RPS6KA2: variants seen among roughly 807,000 people sequenced by gnomAD.
The protein encoded by RPS6KA2 is ribosomal protein S6 kinase alpha-2.
A neutral mutation model predicts 91.8 loss-of-function variants in RPS6KA2; 42 were observed. The ratio of observed to expected loss-of-function variants is 0.46; its 90% CI spans 0.36 to 0.59. RPS6KA2 has a LOEUF of 0.59. Ranked by LOEUF, RPS6KA2 falls within the 20% of genes least tolerant of loss-of-function variation. RPS6KA2 has a pLI of 0.00. For missense variants in RPS6KA2, 798 were observed against 978.5 expected (o/e 0.82, Z 2.46); for synonymous variants, 414 against 393.6 (o/e 1.05, Z -0.61).
chr6:166,620,158 T>C (rs1386178059), intron 1 of RPS6KA2, among the ~76,000 whole-genome samples: 2 of 152,232 alleles, frequency 1.3e-5, no homozygotes, highest in African/African-American at 2.4e-5. Flanking sequence ...AACTACAGCA[T>C]ACGAATCATT....
At chr6:166,628,710 G>T (rs1276853565), upstream of RPS6KA2, among the ~76,000 whole-genome samples, 1 of 152,206 alleles carries the variant, frequency 6.6e-6, no homozygotes, top group Non-Finnish European at 1.5e-5. Flanking sequence ...CTTGGGTGCC[G>T]TTGCACGTTG....
At chr6:166,470,713 C>A (rs1019191289) in intron 10 of RPS6KA2, among the ~76,000 whole-genome samples, 1 of 152,146 alleles carries the variant, frequency 6.6e-6, no homozygotes, top group African/African-American at 2.4e-5. Flanking sequence ...CTCAGCTCAC[C>A]GACTGCAGAA....
intron 7 of RPS6KA2, 113 bp from the exon 8 acceptor site, chr6:166,498,763 G>T: frequency 7.4e-7 from 1 of 1,353,262 alleles, no homozygotes; most frequent in Non-Finnish European, 1.0e-6. Context: ...CCAGGTGGGC[G>T]CAGCAGAGCC....
intron 2 of RPS6KA2, among the ~76,000 whole-genome samples, chr6:166,752,374 G>C (rs975297264): frequency 2.0e-5 from 3 of 152,044 alleles, no homozygotes; most frequent in Admixed American, 1.3e-4. Context: ...AACAGCGAGC[G>C]GACACACTGA....
intron 1 of RPS6KA2, among the ~76,000 whole-genome samples, chr6:166,574,048 G>C (rs546293326): frequency 2.2e-4 from 33 of 152,170 alleles, no homozygotes; most frequent in Non-Finnish European, 4.4e-4. Context: ...CCCTGCCGTG[G>C]TCATTCTCTC....
At chr6:166,579,590 A>T (rs3799606) in intron 1 of RPS6KA2, among the ~76,000 whole-genome samples, 40,036 of 152,146 alleles carry the variant, frequency 0.26, 5,489 homozygotes, top group East Asian at 0.44. Flanking sequence ...GGAGAAGATG[A>T]ACATCCTACG....
At chr6:166,474,491 A>G (rs938441657) in intron 10 of RPS6KA2, among the ~76,000 whole-genome samples, 5 of 152,088 alleles carry the variant, frequency 3.3e-5, no homozygotes, top group African/African-American at 1.2e-4. Context: ...AGAATATCTC[A>G]TGAGTTTCTA....
chr6:166,466,488 C>T (rs563891169), intron 11 of RPS6KA2, among the ~76,000 whole-genome samples: 10 of 152,308 alleles, frequency 6.6e-5, no homozygotes, highest in African/African-American at 2.4e-4. Flanking sequence ...CCTGGGGGTT[C>T]GGTGTGAAGA....
chr6:166,448,597 A>G lies in RPS6KA2; in HGVS notation c.1332+127T>C. The G allele has an allele frequency of 1.6e-6, 2 of 1,217,902 alleles. No homozygotes were observed. The highest frequency in any genetic ancestry group is 1.5e-5 in the South Asian group (1 of 67,600). The allele number at this position is 1,217,902 out of a possible 1,614,324, so 75.4% of individuals were successfully genotyped here. ...TGCTCCGTGCTCCCATGTGCTGTACATGCTCCCACACGCTGCACTCACACA... is the reference window on the plus strand; with the variant it reads ...TGCTCCGTGCTCCCATGTGCTGTACGTGCTCCCACACGCTGCACTCACACA... On this transcript the variant is annotated intron_variant, in intron 14 of 20. Coordinates refer to ENST00000265678, the MANE Select transcript of RPS6KA2 (RefSeq NM_021135.6). The surrounding 1 kb of genome is among the most constrained non-coding windows in gnomAD (Gnocchi z 4.7).
intron 19 of RPS6KA2, among the ~76,000 whole-genome samples, chr6:166,416,322 C>T (rs1402766336): frequency 6.6e-6 from 1 of 151,566 alleles, no homozygotes; most frequent in Non-Finnish European, 1.5e-5. Context: ...CCATCACCCT[C>T]CACCATCATC....
chr6:166,453,445 A>G (rs1779983296), intron 12 of RPS6KA2, among the ~76,000 whole-genome samples: 1 of 152,258 alleles, frequency 6.6e-6, no homozygotes, highest in Admixed American at 6.5e-5. Context: ...GAAGACATAC[A>G]GATGGCCAAA....
intron 2 of RPS6KA2, among the ~76,000 whole-genome samples, chr6:166,676,645 C>T (rs375330660): frequency 1.3e-5 from 2 of 152,198 alleles, no homozygotes; most frequent in Admixed American, 1.3e-4. Context: ...TGAGCCCTCC[C>T]GTGAGGCCGG....
At chr6:166,468,400 C>T (rs1457450687) in intron 11 of RPS6KA2, among the ~76,000 whole-genome samples, 1 of 152,204 alleles carries the variant, frequency 6.6e-6, no homozygotes, top group African/African-American at 2.4e-5. Context: ...AAAAAGTTAT[C>T]ACTCTTCCCC....
chr6:166,701,777 T>C (rs1312541214), intron 2 of RPS6KA2: 2 of 1,028,532 alleles, frequency 1.9e-6, no homozygotes, highest in African/African-American at 3.2e-5. Context: ...ATCATTTTCC[T>C]AACGCTCCCT....
At chr6:166,486,111 T>G (rs938295431) in intron 10 of RPS6KA2, among the ~76,000 whole-genome samples, 17 of 152,108 alleles carry the variant, frequency 1.1e-4, no homozygotes, top group Admixed American at 9.2e-4. Context: ...TCACCACTGA[T>G]GAAAAGGAGG....
chr6:166,611,352 G>A (rs763658127), intron 1 of RPS6KA2, among the ~76,000 whole-genome samples: 2 of 152,168 alleles, frequency 1.3e-5, no homozygotes, highest in Non-Finnish European at 2.9e-5. Context: ...TGCTCAGAAA[G>A]TATCACTAGC....
intron 2 of RPS6KA2, among the ~76,000 whole-genome samples, chr6:166,687,434 T>C (rs1405164961): frequency 2.6e-5 from 4 of 152,212 alleles, no homozygotes; most frequent in African/African-American, 9.6e-5. Context: ...TCCCTGCCTG[T>C]GAGCGTGGCC....
At chr6:166,720,774 A>G (rs572950614) in intron 2 of RPS6KA2, among the ~76,000 whole-genome samples, 19 of 152,018 alleles carry the variant, frequency 1.2e-4, no homozygotes, top group Admixed American at 1.1e-3. Context: ...CATTCCAATC[A>G]CCCTTATTTT....
At chr6:166,560,611 G>T (rs79801797) in intron 1 of RPS6KA2, among the ~76,000 whole-genome samples, 4 of 152,116 alleles carry the variant, frequency 2.6e-5, no homozygotes, top group Admixed American at 1.3e-4. Flanking sequence ...CCATTGTGAC[G>T]GGAAATCACA....
Sources: allele counts gnomAD v4.1 joint callset (sites outside exome capture counted in the v4.1 genomes callset), GRCh38; gene constraint gnomAD v4.1.1; non-coding constraint Gnocchi (gnomAD v3.1); transcripts MANE v1.5; gene names NCBI Gene and HGNC (gene_info 2026-07-23, HGNC 2026-07-21).